HPD: variants seen among roughly 807,000 people sequenced by gnomAD.
HPD encodes 4-hydroxyphenylpyruvate dioxygenase.
Under a neutral mutation model 56.9 loss-of-function variants are expected in HPD, and 35 were observed. The ratio of observed to expected loss-of-function variants is 0.62; its 90% CI spans 0.47 to 0.82. The LOEUF (loss-of-function observed/expected upper bound fraction) is 0.82, where lower values mean the gene tolerates loss of function less well. Among genes scored for constraint, HPD ranks in the 40% least tolerant of loss-of-function variants. HPD has a pLI of 0.00. For missense variants in HPD, 442 were observed against 506.8 expected, an observed-to-expected ratio of 0.87 and a Z score of 1.23; for synonymous variants, 186 against 200.2, an observed-to-expected ratio of 0.93 and a Z score of 0.60.
chr12:121,881,147 T>C, the HPD span, among the ~76,000 whole-genome samples: 14 of 152,352 alleles, frequency 9.2e-5, no homozygotes, highest in African/African-American at 3.4e-4. Flanking sequence ...GCCCAGGTAC[T>C]AAATATTAAC....
intron 12 of HPD, among the ~76,000 whole-genome samples, chr12:121,842,834 G>A (rs896860039): frequency 7.5e-6 from 1 of 133,450 alleles, no homozygotes; most frequent in Non-Finnish European, 1.5e-5. Flanking sequence ...TGCAACCTCC[G>A]CCTCCCGGGT....
At position 121,856,638 on chromosome 12, in the gene HPD, GAGA is replaced by G. The variant is rs1878011048; in HGVS notation, c.199-16_199-14del. 6.2e-7 allele frequency: 1 copy of G among 1,614,022 alleles called. No homozygotes were observed. Among genetic ancestry groups the G allele is most frequent in the East Asian group, 2.2e-5 (1 of 44,886 alleles). ...GGACAAACACAATCTAAGATAGGAG[GAGA>G]AGGAGGTGAGGCTAGTGGCTCAGGG... On this transcript the variant is annotated splice_polypyrimidine_tract_variant and intron_variant, in intron 4 of 13. Transcript: ENST00000289004.
upstream of HPD, among the ~76,000 whole-genome samples, chr12:121,861,758 C>T (rs775353293): frequency 6.6e-6 from 1 of 152,142 alleles, no homozygotes; most frequent in Non-Finnish European, 1.5e-5. Context: ...GGCGTCCACC[C>T]GGGCTCTGAA....
the HPD span, among the ~76,000 whole-genome samples, chr12:121,870,319 T>A: frequency 6.6e-6 from 1 of 152,162 alleles, no homozygotes; most frequent in Non-Finnish European, 1.5e-5. Flanking sequence ...AAGTAGGTGC[T>A]CTCATATCCC....
intron 11 of HPD, among the ~76,000 whole-genome samples, chr12:121,846,028 T>C (rs1469330230): frequency 6.6e-6 from 1 of 152,072 alleles, no homozygotes; most frequent in Non-Finnish European, 1.5e-5. Flanking sequence ...GCCTCCCAAG[T>C]AGCTAGGACT....
chr12:121,861,529 G>C (rs908721325), upstream of HPD, among the ~76,000 whole-genome samples: 2 of 151,858 alleles, frequency 1.3e-5, no homozygotes, highest in Admixed American at 1.3e-4. Flanking sequence ...AAGTAAGTAA[G>C]TAAATAAAAT....
the HPD span, among the ~76,000 whole-genome samples, chr12:121,883,933 C>T: frequency 1.2e-4 from 18 of 152,142 alleles, no homozygotes; most frequent in African/African-American, 2.2e-4. Context: ...GAAACCATGA[C>T]GCTACACATC....
Position 121,839,769 on chromosome 12 carries a change from G to C in HPD, c.1141C>G (p.Leu381Val). ...FEEEQNLRGN[L>V]TNMETNGVVP... Reference sequence around the variant, plus strand: ...ACCCCATTGGTCTCCATGTTGGTGAGGTTACCCCGCAGGTTCTGCTCCTCC... The same window carrying C: ...ACCCCATTGGTCTCCATGTTGGTGACGTTACCCCGCAGGTTCTGCTCCTCC... The change falls in exon 14 of 14, where the codon CTC becomes GTC. Residue 381 changes from leucine to valine, a missense_variant. Coordinates refer to ENST00000289004, the MANE Select transcript of HPD (RefSeq NM_002150.3). 6.2e-7 allele frequency: 1 copy of C among 1,614,164 alleles called. No homozygotes were observed. The highest frequency in any genetic ancestry group is 1.1e-5 in the South Asian group (1 of 91,088).
chr12:121,868,284 C>T (rs1226228013), upstream of HPD, among the ~76,000 whole-genome samples: 1 of 152,170 alleles, frequency 6.6e-6, no homozygotes, highest in Non-Finnish European at 1.5e-5. Context: ...AAACAGAATA[C>T]AAATGTGAAG....
chr12:121,873,292 T>G, the HPD span, among the ~76,000 whole-genome samples: 1 of 152,204 alleles, frequency 6.6e-6, no homozygotes, highest in Non-Finnish European at 1.5e-5. Flanking sequence ...CTATCGGATC[T>G]GCCTCAGCTG....
chr12:121,858,784 G>T lies in HPD; in HGVS notation c.3+37C>A, dbSNP rs368813055. On this transcript the variant is annotated intron_variant, in intron 1 of 13. Transcript: ENST00000289004. ...AGGTGCTTCTGGAAGCGTTACTGAA[G>T]ATGTCCCACCCAAGGGGAGATGGCC... is the stretch of plus-strand genomic sequence containing the variant. The T allele has an allele frequency of 1.3e-5, 21 of 1,614,074 alleles. No homozygotes were observed. In the African/African-American group the frequency reaches 1.9e-4, roughly 14 times the overall value.
the HPD span, among the ~76,000 whole-genome samples, chr12:121,876,492 A>T: frequency 6.6e-6 from 1 of 152,118 alleles, no homozygotes; most frequent in Non-Finnish European, 1.5e-5. Flanking sequence ...GGCCCGGGGT[A>T]CATCAAAGGG....
At position 121,842,447 on chromosome 12, in the gene HPD, T is replaced by G. The variant is rs976037538; in HGVS notation, c.954+1263A>C. ...TGTCTGGCCTAACTGTTTTTGTTTT[T>G]CTTTTAGACAGGGTATCACCCAGGC... On this transcript the variant is annotated intron_variant, in intron 12 of 13. Coordinates refer to ENST00000289004, the MANE Select transcript of HPD (RefSeq NM_002150.3). 6.6e-5 allele frequency among the ~76,000 whole-genome samples: 10 copies of G among 152,080 alleles called. No homozygotes were observed. In the Middle Eastern group the frequency reaches 0.017, roughly 259 times the overall value.
intron 12 of HPD, among the ~76,000 whole-genome samples, chr12:121,840,579 C>T (rs973951357): frequency 2.6e-5 from 4 of 151,964 alleles, no homozygotes; most frequent in African/African-American, 9.7e-5. Flanking sequence ...GGATTACAGG[C>T]GTGAGCCACC....
intron 7 of HPD, among the ~76,000 whole-genome samples, chr12:121,851,049 GA>G (rs1877755794): frequency 1.3e-5 from 2 of 151,990 alleles, no homozygotes; most frequent in African/African-American, 4.8e-5. Context: ...TTTTAGTAGA[GA>G]TGGGGTTTCT....
chr12:121,866,242 A>G (rs930473608), upstream of HPD, among the ~76,000 whole-genome samples: 2 of 149,152 alleles, frequency 1.3e-5, no homozygotes, highest in African/African-American at 2.5e-5. Context: ...CAGAGCTTGC[A>G]GTGAGCAGAG....
At chr12:121,861,087 G>C (rs1878160448), upstream of HPD, among the ~76,000 whole-genome samples, 1 of 152,080 alleles carries the variant, frequency 6.6e-6, no homozygotes, top group African/African-American at 2.4e-5. Context: ...TATAATCCTA[G>C]CACTTTAGGA....
intron 12 of HPD, among the ~76,000 whole-genome samples, chr12:121,841,200 CAA>C (rs35849071): frequency 2.6e-4 from 23 of 89,366 alleles, no homozygotes; most frequent in Admixed American, 3.9e-4. Context: ...GACTCTGTCT[CAA>C]AAAAAAAAAA....
chr12:121,877,856 G>T, the HPD span, among the ~76,000 whole-genome samples: 1 of 152,192 alleles, frequency 6.6e-6, no homozygotes, highest in South Asian at 2.1e-4. Context: ...GGGTACATGG[G>T]CCTGGTGTGG....
Sources: gnomAD v4.1 joint callset for allele counts (sites outside exome capture counted in the v4.1 genomes callset) on GRCh38, gnomAD v4.1.1 for gene constraint, MANE v1.5 for transcripts, NCBI Gene and HGNC (gene_info 2026-07-23, HGNC 2026-07-21) for gene names.